AKT3: variants seen among roughly 807,000 people sequenced by gnomAD.
AKT3 encodes the protein RAC-gamma serine/threonine-protein kinase.
A neutral mutation model predicts 65.3 loss-of-function variants in AKT3; 15 were observed. The observed-to-expected ratio is 0.23, with a 90% CI of 0.15 to 0.35. The LOEUF (loss-of-function observed/expected upper bound fraction) is 0.35. Among genes scored for constraint, AKT3 ranks in the 10% least tolerant of loss-of-function variants. AKT3 has a pLI of 1.00. For missense variants in AKT3, 243 were observed against 576.5 expected, an observed-to-expected ratio of 0.42 and a Z score of 5.92; for synonymous variants, 206 against 183.8, an observed-to-expected ratio of 1.12 and a Z score of -0.98.
chr1:243,621,911 C>T (rs1020883332), intron 6 of AKT3, among the ~76,000 whole-genome samples: 1 of 152,162 alleles, frequency 6.6e-6, no homozygotes, highest in Non-Finnish European at 1.5e-5. Context: ...ACCTCCATTG[C>T]TACTACCCTA....
intron 2 of AKT3, among the ~76,000 whole-genome samples, chr1:243,712,847 C>CT (rs1374968260): frequency 6.6e-6 from 1 of 152,128 alleles, no homozygotes; most frequent in Non-Finnish European, 1.5e-5. Flanking sequence ...TATCAAATCT[C>CT]TAACACCTAA....
At chr1:243,637,791 T>C in intron 5 of AKT3, 49 bp from the exon 6 acceptor site, 1 of 1,348,664 alleles carries the variant, frequency 7.4e-7, no homozygotes, top group Non-Finnish European at 1.0e-6. Flanking sequence ...TGATGCAATT[T>C]ATTTGTTAGC....
intron 13 of AKT3, among the ~76,000 whole-genome samples, chr1:243,510,202 G>A (rs1300027266): frequency 6.6e-6 from 1 of 152,116 alleles, no homozygotes; most frequent in Non-Finnish European, 1.5e-5. Flanking sequence ...TATTCAGAGG[G>A]GAGGCAAGCC....
chr1:243,567,721 C>A (rs1244123636), intron 9 of AKT3, among the ~76,000 whole-genome samples: 1 of 152,040 alleles, frequency 6.6e-6, no homozygotes, highest in East Asian at 1.9e-4. Flanking sequence ...TTTTGCTGAG[C>A]ATGAATGACT....
At chr1:243,848,904 TAAC>T (rs770582761) in intron 1 of AKT3, among the ~76,000 whole-genome samples, 363 of 152,372 alleles carry the variant, frequency 2.4e-3, no homozygotes, top group Middle Eastern at 6.8e-3. Flanking sequence ...TTTATTTTCA[TAAC>T]AACATTATTT....
At chr1:243,526,779 TAAAAA>T (rs1180642142) in intron 12 of AKT3, among the ~76,000 whole-genome samples, 6 of 15,200 alleles carry the variant, frequency 3.9e-4, no homozygotes, top group African/African-American at 1.2e-3. Context: ...AAAAAATGGT[TAAAAA>T]AAAAAAAAAA....
chr1:243,516,770 G>A (rs952263858), intron 12 of AKT3, among the ~76,000 whole-genome samples: 5 of 152,146 alleles, frequency 3.3e-5, no homozygotes, highest in Admixed American at 3.3e-4. Flanking sequence ...AGTATGCCCA[G>A]CTAATATTTT....
intron 12 of AKT3, among the ~76,000 whole-genome samples, chr1:243,536,002 G>C (rs547627891): frequency 4.1e-4 from 62 of 152,112 alleles, no homozygotes; most frequent in Non-Finnish European, 6.9e-4. Flanking sequence ...TCCCATGTTT[G>C]TTGGCCATTT....
intron 4 of AKT3, among the ~76,000 whole-genome samples, chr1:243,652,636 A>G (rs1023619894): frequency 6.6e-6 from 1 of 152,082 alleles, no homozygotes; most frequent in African/African-American, 2.4e-5. Context: ...CCCAATGACA[A>G]GACACAGACT....
At chr1:243,695,460 A>C in intron 3 of AKT3, 131 bp downstream of exon 3, 1 of 755,322 alleles carries the variant, frequency 1.3e-6, no homozygotes, top group Non-Finnish European at 2.0e-6. Flanking sequence ...ATTCTATCAA[A>C]GCTGAAAATT....
intron 2 of AKT3, among the ~76,000 whole-genome samples, chr1:243,827,324 C>G (rs1044293032): frequency 1.3e-5 from 2 of 152,084 alleles, no homozygotes; most frequent in African/African-American, 4.8e-5. Context: ...TCATAAACAG[C>G]CACTTTTAAT....
chr1:243,518,940 A>G (rs897775363), intron 12 of AKT3, among the ~76,000 whole-genome samples: 7 of 152,116 alleles, frequency 4.6e-5, no homozygotes, highest in East Asian at 1.9e-4. Context: ...TGAAGCAAGA[A>G]CAAACATGAA....
At chr1:243,822,958 C>T (rs1423151594) in intron 2 of AKT3, among the ~76,000 whole-genome samples, 1 of 152,148 alleles carries the variant, frequency 6.6e-6, no homozygotes, top group Non-Finnish European at 1.5e-5. Flanking sequence ...GACACCAAAA[C>T]CCAGGAGAGA....
At chr1:243,838,600 T>G (rs1695043342) in intron 2 of AKT3, among the ~76,000 whole-genome samples, 2 of 152,170 alleles carry the variant, frequency 1.3e-5, no homozygotes, top group South Asian at 4.1e-4. Context: ...TAAATTTGAC[T>G]AGATAACAAG....
At chr1:243,679,584 A>G (rs1433017289) in intron 3 of AKT3, among the ~76,000 whole-genome samples, 3 of 152,222 alleles carry the variant, frequency 2.0e-5, no homozygotes, top group African/African-American at 7.2e-5. Flanking sequence ...TAGAAGTTAT[A>G]TTTAAATAAT....
intron 2 of AKT3, among the ~76,000 whole-genome samples, chr1:243,817,041 T>C (rs1693567721): frequency 6.6e-6 from 1 of 152,178 alleles, no homozygotes; most frequent in African/African-American, 2.4e-5. Flanking sequence ...TTCTTAGAAG[T>C]TAGTAACATG....
chr1:243,506,662 G>T (rs1255660631), intron 13 of AKT3, among the ~76,000 whole-genome samples: 1 of 152,228 alleles, frequency 6.6e-6, no homozygotes, highest in Non-Finnish European at 1.5e-5. Context: ...TGTACCAGAA[G>T]ATATCCTCGT....
intron 6 of AKT3, among the ~76,000 whole-genome samples, chr1:243,628,058 C>T (rs1243607644): frequency 6.6e-6 from 1 of 152,182 alleles, no homozygotes; most frequent in Non-Finnish European, 1.5e-5. Flanking sequence ...ACCACTGGGA[C>T]CATGGGCCAG....
intron 2 of AKT3, among the ~76,000 whole-genome samples, chr1:243,789,656 C>A (rs1228715739): frequency 1.3e-5 from 2 of 152,162 alleles, no homozygotes; most frequent in African/African-American, 4.8e-5. Context: ...TTCTTAATGG[C>A]ATCTAGAATG....
Sources: allele counts gnomAD v4.1 joint callset (sites outside exome capture counted in the v4.1 genomes callset), GRCh38; gene constraint gnomAD v4.1.1; transcripts MANE v1.5; gene names NCBI Gene and HGNC (gene_info 2026-07-23, HGNC 2026-07-21).